Variants in MSI2 observed in about 807,000 individuals in gnomAD.
MSI2 encodes musashi RNA binding protein 2, also known as RNA-binding protein Musashi homolog 2.
MSI2 carries 17 observed loss-of-function variants against 45.6 expected under a neutral mutation model. That is an observed-to-expected ratio of 0.37 (90% CI 0.26 to 0.56). The LOEUF is 0.56. MSI2 is among the 20% of genes least tolerant of loss of function. The pLI, the probability that MSI2 is intolerant of heterozygous loss-of-function variation, is 0.77. For missense variants in MSI2, 293 were observed against 444.2 expected (o/e 0.66, Z 3.06); for synonymous variants, 156 against 158.2 (o/e 0.99, Z 0.11).
chr17:57,491,881 C>G (rs1431458260), intron 6 of MSI2, among the ~76,000 whole-genome samples: 2 of 152,106 alleles, frequency 1.3e-5, no homozygotes, highest in Non-Finnish European at 2.9e-5. Context: ...GATGAATCCA[C>G]AAGTCTGGCC....
intron 5 of MSI2, among the ~76,000 whole-genome samples, chr17:57,325,616 T>C (rs1468012020): frequency 6.6e-6 from 1 of 152,194 alleles, no homozygotes; most frequent in East Asian, 1.9e-4. Flanking sequence ...GCAGCGGCTA[T>C]TCCTCTTTTT....
intron 5 of MSI2, among the ~76,000 whole-genome samples, chr17:57,284,750 G>A (rs1490309984): frequency 1.3e-5 from 2 of 152,126 alleles, no homozygotes; most frequent in African/African-American, 4.8e-5. Flanking sequence ...AGAAGCATGG[G>A]GCTTCATGGC....
chr17:57,638,678 C>A (rs1033166728), intron 10 of MSI2, among the ~76,000 whole-genome samples: 2 of 152,082 alleles, frequency 1.3e-5, no homozygotes, highest in African/African-American at 4.8e-5. Context: ...TTTCTTGAGG[C>A]CAGGAGTTTG....
chr17:57,440,413 C>CATGTGTGTGTGTGTGT (rs1491418144), intron 6 of MSI2, among the ~76,000 whole-genome samples: 1 of 104,530 alleles, frequency 9.6e-6, no homozygotes. Context: ...GTTTGTTATC[C>CATGTGTGTGTGTGTGT]GTGTGTGTGT....
chr17:57,692,582 C>A, the MSI2 span, among the ~76,000 whole-genome samples: 78 of 152,242 alleles, frequency 5.1e-4, no homozygotes, highest in Middle Eastern at 6.8e-3. Context: ...ACCTGAAGAA[C>A]TTCCTTTAAT....
chr17:57,615,121 AG>A (rs1472708242), intron 8 of MSI2, among the ~76,000 whole-genome samples: 2 of 135,684 alleles, frequency 1.5e-5, no homozygotes, highest in African/African-American at 2.6e-5. Flanking sequence ...ATGTTGCACA[AG>A]AATTTTTTTT....
intron 7 of MSI2, among the ~76,000 whole-genome samples, chr17:57,546,688 T>A (rs1248185909): frequency 1.3e-5 from 2 of 152,226 alleles, no homozygotes; most frequent in Non-Finnish European, 2.9e-5. Flanking sequence ...TGGATGCTGA[T>A]CTGTCCATGT....
intron 8 of MSI2, among the ~76,000 whole-genome samples, 163 bp downstream of exon 8, chr17:57,597,113 A>G (rs1905315584): frequency 6.6e-6 from 1 of 151,998 alleles, no homozygotes; most frequent in Admixed American, 6.6e-5. Flanking sequence ...GTTGTTTCAT[A>G]CTGAGGTGGA....
chr17:57,578,306 C>T lies in MSI2; in HGVS notation c.455-18562C>T, dbSNP rs550357225. ...CAAATGAAAGTGCTTAGTTAGGGGA[C>T]GTATGAAATGGCATTGTTTGTTCTG... is the stretch of plus-strand genomic sequence containing the variant. On this transcript the variant is annotated intron_variant, in intron 7 of 13. Coordinates refer to ENST00000284073, the MANE Select transcript of MSI2 (RefSeq NM_138962.4). 4.6e-5 allele frequency among the ~76,000 whole-genome samples: 7 copies of T among 152,264 alleles called. No homozygotes were observed. In the South Asian group the frequency reaches 1.2e-3, roughly 27 times the overall value.
intron 7 of MSI2, among the ~76,000 whole-genome samples, chr17:57,591,344 A>G (rs1320853826): frequency 1.4e-5 from 2 of 146,404 alleles, no homozygotes; most frequent in Non-Finnish European, 3.1e-5. Flanking sequence ...CCTTAAAAAC[A>G]TATGTCAAAT....
chr17:57,295,852 C>A (rs1056662430), intron 5 of MSI2, among the ~76,000 whole-genome samples: 1 of 152,274 alleles, frequency 6.6e-6, no homozygotes, highest in African/African-American at 2.4e-5. Context: ...TTTCTGCTCC[C>A]GTCACAAATC....
rs1913507653 is a variant in MSI2, at chr17:57,680,077, C to G, written c.*560C>G. The G allele has an allele frequency of 4.4e-6, 1 of 228,442 alleles. No homozygotes were observed. Among genetic ancestry groups the G allele is most frequent in the African/African-American group, 2.2e-5 (1 of 45,052 alleles). 14.2% of individuals were successfully genotyped at this position (228,442 alleles called of 1,614,324 possible). A position where few individuals can be genotyped will look rare whatever the true frequency, so the allele number is the denominator to read the frequency against. On this transcript the variant is annotated 3_prime_UTR_variant, in exon 14 of 14. Coordinates refer to ENST00000284073, the MANE Select transcript of MSI2 (RefSeq NM_138962.4). ...TTTTCAGGTGGAACTTTAGCACACA[C>G]TGAAGCAAAGTTGTGAAGTGCAGGG...
chr17:57,564,446 T>G (rs796357528), intron 7 of MSI2, among the ~76,000 whole-genome samples: 1 of 152,130 alleles, frequency 6.6e-6, no homozygotes, highest in Non-Finnish European at 1.5e-5. Context: ...TGGGCCTCAG[T>G]GGGTCCAAGT....
chr17:57,420,939 C>T (rs1172657496), intron 6 of MSI2, among the ~76,000 whole-genome samples: 2 of 152,242 alleles, frequency 1.3e-5, no homozygotes, highest in Admixed American at 6.5e-5. Flanking sequence ...TTGGCCTCCC[C>T]TCTGAGATGA....
chr17:57,683,936 T>A lies in MSI2; in HGVS notation c.*4419T>A, dbSNP rs886867125. The A allele has an allele frequency of 4.3e-6, 1 of 230,340 alleles. No homozygotes were observed. Among genetic ancestry groups the A allele is most frequent in the Admixed American group, 5.7e-5 (1 of 17,664 alleles). The allele number at this position is 230,340 out of a possible 1,614,324, so 14.3% of individuals were successfully genotyped here. A position where few individuals can be genotyped will look rare whatever the true frequency, so the allele number is the denominator to read the frequency against. ...TGTTTGTTTTCTTTTTCTTTCTTTT[T>A]TTTCTACCAAAAAAAAGTAAGTAAA... On this transcript the variant is annotated 3_prime_UTR_variant, in exon 14 of 14. Coordinates refer to ENST00000284073, the MANE Select transcript of MSI2 (RefSeq NM_138962.4). The surrounding 1 kb of genome is among the most constrained non-coding windows in gnomAD (Gnocchi z 5.2).
chr17:57,337,281 G>A (rs62058053), intron 5 of MSI2, among the ~76,000 whole-genome samples: 14,391 of 152,114 alleles, frequency 0.095, 751 homozygotes, highest in South Asian at 0.12. Flanking sequence ...TCTTTTCCAC[G>A]GCCCCACAGA....
Position 57,681,509 on chromosome 17 carries a change from T to G in MSI2, c.*1992T>G, listed in dbSNP as rs771108734. On this transcript the variant is annotated 3_prime_UTR_variant, in exon 14 of 14. Coordinates refer to ENST00000284073, the MANE Select transcript of MSI2 (RefSeq NM_138962.4). ...AAATTTTACTAACAAAGTAGACTAA[T>G]GTAGACATTCACAGACATGGTAGGG... 7.1e-5 allele frequency: 13 copies of G among 182,180 alleles called. No homozygotes were observed. The highest frequency in any genetic ancestry group is 1.3e-4 in the Admixed American group (2 of 15,960). 11.3% of individuals were successfully genotyped at this position (182,180 alleles called of 1,614,324 possible).
At chr17:57,344,596 G>A (rs558780543) in intron 5 of MSI2, among the ~76,000 whole-genome samples, 44 of 152,304 alleles carry the variant, frequency 2.9e-4, no homozygotes, top group African/African-American at 1.1e-3. Flanking sequence ...TTACTGGAGT[G>A]TCTTCGTCTC....
Position 57,510,280 on chromosome 17 carries a change from A to G in MSI2, c.406-19396A>G, listed in dbSNP as rs574329421. Among the ~76,000 whole-genome samples, 5 of 152,056 alleles carry G rather than the reference A, an allele frequency of 3.3e-5. No individual in the cohort carries two copies. In the South Asian group the frequency reaches 1.0e-3, roughly 32 times the overall value. On this transcript the variant is annotated intron_variant, in intron 6 of 13. Transcript: ENST00000284073. ...CTCTTGATGAGGTGGGATGTTGTGA[A>G]TGGTGGCCCCATCCCCAGGGAGCCC...
Sources: allele counts gnomAD v4.1 joint callset (sites outside exome capture counted in the v4.1 genomes callset), GRCh38; gene constraint gnomAD v4.1.1; non-coding constraint Gnocchi (gnomAD v3.1); transcripts MANE v1.5; gene names NCBI Gene and HGNC (gene_info 2026-07-23, HGNC 2026-07-21).